The following GOLGA4 variants were observed in gnomAD, a reference collection of about 807,000 sequenced individuals.
GOLGA4 encodes the protein golgin subfamily A member 4.
Under a neutral mutation model 265.9 loss-of-function variants are expected in GOLGA4, and 169 were observed. That is an observed-to-expected ratio of 0.64 (90% confidence interval 0.56 to 0.72). The LOEUF is 0.72. Among genes scored for constraint, GOLGA4 ranks in the 30% least tolerant of loss-of-function variants. The pLI, the probability that GOLGA4 is intolerant of heterozygous loss-of-function variation, is 0.00. For synonymous variants in GOLGA4, 923 were observed against 855.8 expected (o/e 1.08, Z -1.37); for missense variants, 2,482 against 2,483.4 (o/e 1.00, Z 0.01).
chr3:37,319,205 A>G lies in GOLGA4; in HGVS notation c.1545+11A>G, dbSNP rs532989212. 2.1e-5 allele frequency: 27 copies of G among 1,302,040 alleles called. No homozygotes were observed. The Admixed American group carries it at 2.5e-4, about 12-fold the overall frequency. The allele number at this position is 1,302,040 out of a possible 1,614,324, so 80.7% of individuals were successfully genotyped here. Reference sequence around the variant, plus strand: ...ATGAAAGTAGCTCTTGTAAGTGACTATTTTTTTTTTTCTGCTATAGGTATA... The same window carrying G: ...ATGAAAGTAGCTCTTGTAAGTGACTGTTTTTTTTTTTCTGCTATAGGTATA... On this transcript the variant is annotated intron_variant, in intron 12 of 23. Coordinates refer to ENST00000361924, the MANE Select transcript of GOLGA4 (RefSeq NM_002078.5).
At chr3:37,294,824 T>C (rs1177526815) in intron 5 of GOLGA4, among the ~76,000 whole-genome samples, 155 bp from the exon 6 acceptor site, 1 of 152,122 alleles carries the variant, frequency 6.6e-6, no homozygotes, top group Non-Finnish European at 1.5e-5. Context: ...ATGTTTTAAA[T>C]AATGTTAATG....
chr3:37,328,595 C>G, intron 15 of GOLGA4, 58 bp downstream of exon 15: 2 of 1,492,860 alleles, frequency 1.3e-6, no homozygotes, highest in Non-Finnish European at 1.8e-6. Context: ...ATAATTTAAG[C>G]TTATCATTTT....
intron 22 of GOLGA4, among the ~76,000 whole-genome samples, chr3:37,355,725 C>T (rs2097089269): frequency 6.6e-6 from 1 of 152,100 alleles, no homozygotes; most frequent in Non-Finnish European, 1.5e-5. Context: ...AAGAAACACA[C>T]ACTTTGTAAA....
At chr3:37,294,656 G>A (rs923577451) in intron 5 of GOLGA4, among the ~76,000 whole-genome samples, 5 of 152,222 alleles carry the variant, frequency 3.3e-5, no homozygotes, top group East Asian at 1.9e-4. Context: ...CACAGTGTGG[G>A]ATTACAGGTG....
rs146728541 is a variant in GOLGA4 at position 37,267,744 on chromosome 3, A to G, written c.163-14214A>G. 5.0e-3 allele frequency among the ~76,000 whole-genome samples: 760 copies of G among 152,354 alleles called. 2 individuals are homozygous for G. The highest frequency in any genetic ancestry group is 0.017 in the African/African-American group (722 of 41,570). On this transcript the variant is annotated intron_variant, in intron 2 of 23. Transcript: ENST00000361924. The stretch of plus-strand genomic sequence containing the variant: ...AAGTTTACAATGGAGAAATGTGGCA[A>G]ACACCATTGGATTGAGGTTTTTCTA...
chr3:37,309,624 A>AT (rs1253725202), intron 10 of GOLGA4, among the ~76,000 whole-genome samples: 1 of 152,254 alleles, frequency 6.6e-6, no homozygotes, highest in Non-Finnish European at 1.5e-5. Flanking sequence ...ACATGTTAGC[A>AT]TAAATACTTT....
At chr3:37,358,368 G>T (rs1011335921) in intron 22 of GOLGA4, among the ~76,000 whole-genome samples, 1 of 152,024 alleles carries the variant, frequency 6.6e-6, no homozygotes, top group African/African-American at 2.4e-5. Context: ...CTCATTACAG[G>T]ATACAAGTTA....
intron 4 of GOLGA4, chr3:37,287,597 G>T (rs1303001814): frequency 6.6e-6 from 1 of 152,214 alleles, no homozygotes; most frequent in African/African-American, 2.4e-5. Flanking sequence ...GTTCATTGTT[G>T]CACAGCTTGT....
chr3:37,324,727 C>G lies in GOLGA4; in HGVS notation c.2841C>G (p.Thr947=). Residue 947 remains threonine, a synonymous_variant, in exon 14 of 24, where the codon ACC becomes ACG. Coordinates refer to ENST00000361924, the MANE Select transcript of GOLGA4 (RefSeq NM_002078.5). The stretch of plus-strand genomic sequence containing the variant: ...ATATTTTGAATGAGGAATATGAAAC[C>G]AAATTTAAAAACCAAGAAAAAAAGA... The part of the protein sequence containing the change: ...SIHILNEEYE[T]KFKNQEKKME... 6.3e-7 allele frequency: 1 copy of G among 1,582,326 alleles called. No homozygotes were observed. Among genetic ancestry groups the G allele is most frequent in the Non-Finnish European group, 8.5e-7 (1 of 1,170,056 alleles).
intron 23 of GOLGA4, 114 bp downstream of exon 23, chr3:37,361,419 A>G (rs893912729): frequency 5.7e-5 from 36 of 629,280 alleles, no homozygotes; most frequent in South Asian, 4.1e-4. Context: ...TGATTATGCT[A>G]TGGGTTAATA....
intron 11 of GOLGA4, among the ~76,000 whole-genome samples, chr3:37,318,121 G>T (rs1413674792): frequency 1.3e-5 from 2 of 151,964 alleles, no homozygotes; most frequent in African/African-American, 4.8e-5. Context: ...AAGGAGTGAG[G>T]TAAGGATTCA....
rs1488140435 is a variant in GOLGA4 at position 37,325,045 on chromosome 3, G to T, written c.3159G>T (p.Gln1053His). The T allele has an allele frequency of 6.2e-7, 1 of 1,612,606 alleles. No individual in the cohort carries two copies. The highest frequency in any genetic ancestry group is 8.5e-7 in the Non-Finnish European group (1 of 1,179,594). ...VISIWEKKLNQQAEELQEIHE... is the reference protein window; with the variant it reads ...VISIWEKKLNHQAEELQEIHE... ...CAATCTGGGAAAAGAAACTTAATCA[G>T]CAAGCTGAAGAACTTCAGGAAATAC... The change falls in exon 14 of 24, where the codon CAG becomes CAT. Residue 1053 changes from glutamine (Q) to histidine (H), a missense_variant. Around this residue, in one of 3 missense-constraint regions of GOLGA4, gnomAD observed 1,536 missense variants for 1,483.7 expected, o/e 1.04. Transcript: ENST00000361924.
At chr3:37,299,587 A>T (rs9857108) in intron 9 of GOLGA4, among the ~76,000 whole-genome samples, 8,149 of 152,292 alleles carry the variant, frequency 0.054, 299 homozygotes, top group African/African-American at 0.11. Context: ...AGTCAGCATT[A>T]TGATTTGTAG....
intron 2 of GOLGA4, among the ~76,000 whole-genome samples, chr3:37,279,873 C>T (rs2096829992): frequency 6.6e-6 from 1 of 151,500 alleles, no homozygotes; most frequent in Admixed American, 6.6e-5. Context: ...CGCCACTGCA[C>T]TGCAGCCTGG....
chr3:37,281,924 T>C, intron 2 of GOLGA4, 34 bp from the exon 3 acceptor site: 1 of 1,483,194 alleles, frequency 6.7e-7, no homozygotes. Flanking sequence ...TGTATGTATT[T>C]TAATCCACAC....
chr3:37,352,464 A>G (rs1382066862), intron 21 of GOLGA4, among the ~76,000 whole-genome samples: 1 of 152,052 alleles, frequency 6.6e-6, no homozygotes, highest in Non-Finnish European at 1.5e-5. Context: ...TCCTTCCCAC[A>G]ACACATGGGG....
At chr3:37,363,510 G>A (rs1696505170) in intron 23 of GOLGA4, among the ~76,000 whole-genome samples, 1 of 152,122 alleles carries the variant, frequency 6.6e-6, no homozygotes, top group Admixed American at 6.5e-5. Context: ...AGTAATGTTT[G>A]GCCAGATTTT....
chr3:37,288,190 C>T (rs1484474210), intron 4 of GOLGA4, among the ~76,000 whole-genome samples: 2 of 151,110 alleles, frequency 1.3e-5, no homozygotes, highest in Admixed American at 1.3e-4. Flanking sequence ...CAACCTCCAC[C>T]TCCCGGGTTC....
intron 20 of GOLGA4, chr3:37,341,565 T>C (rs1269893430): frequency 6.6e-6 from 1 of 152,186 alleles, no homozygotes; most frequent in African/African-American, 2.4e-5. Context: ...TTTCCTATGC[T>C]CACTGCGGAG....
Sources: gnomAD v4.1 joint callset for allele counts (sites outside exome capture counted in the v4.1 genomes callset) on GRCh38, gnomAD v4.1.1 for gene constraint, gnomAD v4.1.1 regional missense constraint, MANE v1.5 for transcripts, NCBI Gene and HGNC (gene_info 2026-07-23, HGNC 2026-07-21) for gene names.